Variants in GPR137C observed in about 807,000 individuals in gnomAD.
GPR137C encodes the protein G protein-coupled receptor 137C.
A neutral mutation model predicts 43.4 loss-of-function variants in GPR137C; 27 were observed. The observed-to-expected ratio is 0.62, with a 90% CI of 0.46 to 0.86. The LOEUF is 0.86. GPR137C is among the 40% of genes least tolerant of loss of function. The probability of loss-of-function intolerance (pLI) is 0.00; values close to 1 mark genes in which losing one functional copy is unlikely to be tolerated. For synonymous variants in GPR137C, 285 were observed against 226.9 expected (o/e 1.26, Z -2.30); for missense variants, 522 against 534.6 (o/e 0.98, Z 0.23).
intron 1 of GPR137C, among the ~76,000 whole-genome samples, chr14:52,585,277 C>G (rs1047542563): frequency 5.3e-5 from 8 of 152,134 alleles, no homozygotes; most frequent in Admixed American, 2.0e-4. Flanking sequence ...CTTTTCTTCT[C>G]TCTTGACTCA....
At chr14:52,585,851 A>T (rs941818993) in intron 1 of GPR137C, among the ~76,000 whole-genome samples, 4 of 152,102 alleles carry the variant, frequency 2.6e-5, no homozygotes, top group Non-Finnish European at 5.9e-5. Flanking sequence ...AAAAGAAAAG[A>T]AAAGAAAACA....
intron 3 of GPR137C, among the ~76,000 whole-genome samples, chr14:52,617,014 A>G (rs935333688): frequency 4.6e-5 from 7 of 152,174 alleles, no homozygotes; most frequent in African/African-American, 1.7e-4. Flanking sequence ...CAGAAAAGAT[A>G]TTTTGCCCAG....
At chr14:52,612,213 A>G in intron 3 of GPR137C, 10 of 983,556 alleles carry the variant, frequency 1.0e-5, no homozygotes, top group Non-Finnish European at 1.2e-5. Flanking sequence ...CCGTAGTGTC[A>G]CCACTGACAC....
chr14:52,630,453 T>TAAC (rs111492607), intron 3 of GPR137C, among the ~76,000 whole-genome samples: 11,347 of 152,150 alleles, frequency 0.075, 1,285 homozygotes, highest in African/African-American at 0.25. Context: ...TAACTTTTAT[T>TAAC]AACTTTTTTT....
intron 1 of GPR137C, among the ~76,000 whole-genome samples, chr14:52,574,332 T>G (rs990051816): frequency 6.6e-6 from 1 of 152,154 alleles, no homozygotes; most frequent in African/African-American, 2.4e-5. Context: ...TGCCCATCAA[T>G]GATAGACTGG....
chr14:52,553,473 C>T lies in GPR137C; in HGVS notation c.326C>T (p.Ser109Phe), dbSNP rs766673125. ...TCCGCCGCCTTCTCGCTCAGCGGCT[C>T]CCTGCCCTTGCTCCGGCCGCCCGCT... ...LFSAAFSLSG[S>F]LPLLRPPAHL... Residue 109 changes from serine (S) to phenylalanine (F), a missense_variant, in exon 1 of 7, where the codon TCC becomes TTC. Ser to Phe is a radical substitution (Grantham distance 155). Around this residue, in one of 3 missense-constraint regions of GPR137C, gnomAD observed 437 missense variants for 425.7 expected, o/e 1.03. Coordinates refer to ENST00000321662, the MANE Select transcript of GPR137C (RefSeq NM_001099652.2). 6.2e-6 allele frequency: 10 copies of T among 1,608,754 alleles called. No individual in the cohort carries two copies. The Admixed American group carries it at 1.3e-4, about 21-fold the overall frequency.
Position 52,553,478 on chromosome 14 carries a change from C to A in GPR137C, c.331C>A (p.Pro111Thr). The change falls in exon 1 of 7, where the codon CCC becomes ACC. Residue 111 changes from proline (P) to threonine (T), a missense_variant. Physicochemically the swap from Pro to Thr is conservative, Grantham distance 38. Coordinates refer to ENST00000321662, the MANE Select transcript of GPR137C (RefSeq NM_001099652.2). ...CGCCTTCTCGCTCAGCGGCTCCCTG[C>A]CCTTGCTCCGGCCGCCCGCTCACCT... is the stretch of plus-strand genomic sequence containing the variant. Reference protein sequence around the residue: ...SAAFSLSGSLPLLRPPAHLHF... With the variant: ...SAAFSLSGSLTLLRPPAHLHF... 6.2e-7 allele frequency: 1 copy of A among 1,608,862 alleles called. No homozygotes were observed. Among genetic ancestry groups the A allele is most frequent in the Non-Finnish European group, 8.5e-7 (1 of 1,179,794 alleles).
intron 1 of GPR137C, among the ~76,000 whole-genome samples, chr14:52,569,610 G>T (rs530074991): frequency 6.6e-6 from 1 of 151,932 alleles, no homozygotes; most frequent in South Asian, 2.1e-4. Flanking sequence ...TGACCTGATG[G>T]AGCTGAAAAA....
intron 1 of GPR137C, among the ~76,000 whole-genome samples, chr14:52,574,935 G>C (rs1246598715): frequency 6.6e-6 from 1 of 152,110 alleles, no homozygotes. Context: ...TATACAATGG[G>C]GGAAGTAGTG....
intron 1 of GPR137C, among the ~76,000 whole-genome samples, chr14:52,577,647 C>A (rs1327027405): frequency 5.3e-5 from 8 of 151,818 alleles, no homozygotes; most frequent in Admixed American, 5.2e-4. Context: ...CTATAAAGAT[C>A]TGATTTTATC....
chr14:52,607,444 T>G (rs1410680181), intron 3 of GPR137C, among the ~76,000 whole-genome samples: 1 of 152,220 alleles, frequency 6.6e-6, no homozygotes, highest in African/African-American at 2.4e-5. Context: ...GCTTTGCTAA[T>G]ATTAATATTT....
chr14:52,604,808 G>A (rs1450524875), intron 3 of GPR137C, among the ~76,000 whole-genome samples: 2 of 152,044 alleles, frequency 1.3e-5, no homozygotes, highest in East Asian at 3.9e-4. Context: ...ACCATTTATT[G>A]AGATTGTGAC....
chr14:52,585,902 T>C (rs927140617), intron 1 of GPR137C, among the ~76,000 whole-genome samples: 1 of 152,114 alleles, frequency 6.6e-6, no homozygotes, highest in African/African-American at 2.4e-5. Context: ...TTATCACTCA[T>C]GGCTAAAGCA....
Position 52,558,101 on chromosome 14 carries a change from A to AT in GPR137C, c.444+4510_444+4511insT, listed in dbSNP as rs1271304077. ...GGCTGGCAAGAAAAGGCCAGAAACT[A>AT]CCAAAAAAAAAAAAAAATGCAGAAT... On this transcript the variant is annotated intron_variant, in intron 1 of 6. Coordinates refer to ENST00000321662, the MANE Select transcript of GPR137C (RefSeq NM_001099652.2). 3.7e-5 allele frequency among the ~76,000 whole-genome samples: 5 copies of AT among 136,726 alleles called. No homozygotes were observed. The East Asian group carries it at 1.0e-3, about 28-fold the overall frequency. 89.7% of individuals were successfully genotyped at this position (136,726 alleles called of 152,430 possible). A position where few individuals can be genotyped will look rare whatever the true frequency, so the allele number is the denominator to read the frequency against.
chr14:52,628,884 C>T (rs72684261), intron 3 of GPR137C, among the ~76,000 whole-genome samples: 7,927 of 152,210 alleles, frequency 0.052, 338 homozygotes, highest in Non-Finnish European at 0.071. Context: ...GTTTGCGATA[C>T]GTATATCTGA....
rs745653802 is a variant in GPR137C at position 52,553,499 on chromosome 14, C to T, written c.352C>T (p.His118Tyr). 14 of 1,609,136 alleles carry T rather than the reference C, an allele frequency of 8.7e-6. No homozygotes were observed. In the East Asian group the frequency reaches 2.7e-4, roughly 31 times the overall value. The change falls in exon 1 of 7, where the codon CAC (histidine) becomes TAC (tyrosine). Residue 118 changes from histidine to tyrosine, a missense_variant. Physicochemically the swap from His to Tyr is moderately conservative, Grantham distance 83. Coordinates refer to ENST00000321662, the MANE Select transcript of GPR137C (RefSeq NM_001099652.2). Reference sequence around the variant, plus strand: ...CCTGCCCTTGCTCCGGCCGCCCGCTCACCTGCACTTCTTCCCCCACTGGCT... The same window carrying T: ...CCTGCCCTTGCTCCGGCCGCCCGCTTACCTGCACTTCTTCCCCCACTGGCT... The part of the protein sequence containing the change: ...GSLPLLRPPA[H>Y]LHFFPHWLLY...
At chr14:52,566,687 A>C (rs2038375186) in intron 1 of GPR137C, among the ~76,000 whole-genome samples, 1 of 152,230 alleles carries the variant, frequency 6.6e-6, no homozygotes, top group African/African-American at 2.4e-5. Flanking sequence ...ACCTGCTAGG[A>C]GCATTATACA....
At chr14:52,556,354 T>G (rs1028329145) in intron 1 of GPR137C, among the ~76,000 whole-genome samples, 1 of 151,610 alleles carries the variant, frequency 6.6e-6, no homozygotes, top group African/African-American at 2.4e-5. Context: ...AAAACTCATG[T>G]TTTTGAAAAG....
At chr14:52,587,621 T>C (rs940161330) in intron 1 of GPR137C, among the ~76,000 whole-genome samples, 11 of 152,042 alleles carry the variant, frequency 7.2e-5, no homozygotes, top group African/African-American at 2.7e-4. Flanking sequence ...AATACAAAAA[T>C]TAACTGGGCA....
Sources: allele counts gnomAD v4.1 joint callset (sites outside exome capture counted in the v4.1 genomes callset), GRCh38; gene constraint gnomAD v4.1.1; regional missense constraint gnomAD v4.1.1; transcripts MANE v1.5; gene names NCBI Gene and HGNC (gene_info 2026-07-23, HGNC 2026-07-21).